SEMA6A: variants seen among roughly 807,000 people sequenced by gnomAD.
The protein encoded by SEMA6A is semaphorin 6A.
In SEMA6A, 25 loss-of-function variants were observed where a neutral mutation model predicts 96.8. That is an observed-to-expected ratio of 0.26 (90% CI 0.19 to 0.36). The LOEUF (loss-of-function observed/expected upper bound fraction) is 0.36. SEMA6A is among the 10% of genes least tolerant of loss of function. The probability of loss-of-function intolerance (pLI) is 1.00; values close to 1 mark genes in which losing one functional copy is unlikely to be tolerated. For missense variants in SEMA6A, 1,363 were observed against 1,323.1 expected, an observed-to-expected ratio of 1.03 and a Z score of -0.47; for synonymous variants, 612 against 518.0, an observed-to-expected ratio of 1.18 and a Z score of -2.46.
rs1754116826 is a variant in SEMA6A, at chr5:116,445,384, T to C, written c.*1229A>G. On this transcript the variant is annotated 3_prime_UTR_variant, in exon 19 of 19. Transcript: ENST00000343348. ...CCCGTGTGATCAAATCATTAATTTA[T>C]GCAAGGTAGCAGCCAGCATATTAGT... 1 of 152,688 alleles carries C rather than the reference T, an allele frequency of 6.5e-6. No homozygotes were observed. 9.5% of individuals were successfully genotyped at this position (152,688 alleles called of 1,614,324 possible). A position where few individuals can be genotyped will look rare whatever the true frequency, so the allele number is the denominator to read the frequency against.
intron 1 of SEMA6A, among the ~76,000 whole-genome samples, chr5:116,517,656 A>G (rs1426699229): frequency 1.3e-5 from 2 of 152,302 alleles, no homozygotes; most frequent in Middle Eastern, 3.4e-3. Flanking sequence ...CTTCCACAAA[A>G]TAAGTGATGT....
At chr5:116,501,675 G>A (rs1757888220) in intron 3 of SEMA6A, among the ~76,000 whole-genome samples, 1 of 152,274 alleles carries the variant, frequency 6.6e-6, no homozygotes, top group East Asian at 1.9e-4. Flanking sequence ...ATCACCTGAG[G>A]TCAGGAGTTC....
Position 116,473,106 on chromosome 5 carries a change from A to G in SEMA6A, c.1709-13T>C, listed in dbSNP as rs1181032528. The G allele has an allele frequency of 6.3e-7, 1 of 1,589,252 alleles. No individual in the cohort carries two copies. On this transcript the variant is annotated splice_polypyrimidine_tract_variant and intron_variant, in intron 16 of 18. Coordinates refer to ENST00000343348, the MANE Select transcript of SEMA6A (RefSeq NM_020796.5). Reference sequence around the variant, plus strand: ...GCCACAAAGGAATCTGAAAGACAAAAGGGAGGAGAAGGTTACTTAATGTTT... The same window carrying G: ...GCCACAAAGGAATCTGAAAGACAAAGGGGAGGAGAAGGTTACTTAATGTTT...
chr5:116,567,280 T>G lies in SEMA6A; in HGVS notation c.-39+6905A>C, dbSNP rs959900072. 2.6e-5 allele frequency among the ~76,000 whole-genome samples: 4 copies of G among 152,164 alleles called. No individual in the cohort carries two copies. The South Asian group carries it at 8.3e-4, about 32-fold the overall frequency. On this transcript the variant is annotated intron_variant, in intron 1 of 18. Coordinates refer to ENST00000343348, the MANE Select transcript of SEMA6A (RefSeq NM_020796.5). ...GCTTCTCAACTTAAAACCCATGACA[T>G]TATGGCCTGTTTATGGTATGAATGT...
At chr5:116,482,394 G>C (rs1756827881) in intron 11 of SEMA6A, 50 bp downstream of exon 11, 2 of 1,579,934 alleles carry the variant, frequency 1.3e-6, no homozygotes, top group East Asian at 4.6e-5. Context: ...AGAGGTGCAA[G>C]CTTTGCCATT....
At chr5:116,450,124 G>A (rs6861354) in intron 18 of SEMA6A, among the ~76,000 whole-genome samples, 47,118 of 152,112 alleles carry the variant, frequency 0.31, 8,096 homozygotes, top group African/African-American at 0.47. Context: ...ACCGAACACC[G>A]TTTTTAACCC....
intron 1 of SEMA6A, among the ~76,000 whole-genome samples, chr5:116,573,211 G>A (rs934241396): frequency 3.9e-5 from 6 of 152,208 alleles, no homozygotes; most frequent in African/African-American, 1.2e-4. Flanking sequence ...CCCCATGGTA[G>A]CGCCCTAGGA....
intron 18 of SEMA6A, among the ~76,000 whole-genome samples, chr5:116,450,724 T>G (rs377301852): frequency 1.3e-5 from 2 of 152,276 alleles, no homozygotes; most frequent in South Asian, 4.1e-4. Flanking sequence ...TTTTGTTATA[T>G]AAAGAGTGGC....
chr5:116,519,692 C>CACAT (rs60685732), intron 1 of SEMA6A, among the ~76,000 whole-genome samples: 3 of 138,136 alleles, frequency 2.2e-5, no homozygotes, highest in African/African-American at 1.1e-4. Flanking sequence ...CACACACACA[C>CACAT]GCACACACAT....
chr5:116,457,850 A>C (rs1755113703), intron 18 of SEMA6A, among the ~76,000 whole-genome samples: 1 of 152,182 alleles, frequency 6.6e-6, no homozygotes, highest in Non-Finnish European at 1.5e-5. Context: ...TATTACTTGC[A>C]TAACCTGTAT....
Position 116,477,994 on chromosome 5 carries a change from C to T in SEMA6A, c.1568+20G>A. 6.2e-7 allele frequency: 1 copy of T among 1,613,932 alleles called. No homozygotes were observed. The highest frequency in any genetic ancestry group is 8.5e-7 in the Non-Finnish European group (1 of 1,179,846). ...TAGCCACCATGGACTTTCTAATTGT[C>T]AATGAGGCAAAATACATACTTTTTA... On this transcript the variant is annotated intron_variant, in intron 14 of 18. Transcript: ENST00000343348.
intron 3 of SEMA6A, 122 bp from the exon 4 acceptor site, chr5:116,497,509 G>T: frequency 3.5e-6 from 2 of 568,270 alleles, no homozygotes; most frequent in Non-Finnish European, 6.2e-6. Context: ...ATATCCACAT[G>T]CAAGAAGAAA....
At chr5:116,460,617 C>T (rs1332856809) in intron 18 of SEMA6A, among the ~76,000 whole-genome samples, 1 of 152,012 alleles carries the variant, frequency 6.6e-6, no homozygotes, top group African/African-American at 2.4e-5. Flanking sequence ...AGTTTTGTTT[C>T]AATATTAAAA....
rs148223835 is a variant in SEMA6A, at chr5:116,463,034, T to C, written c.1894+4549A>G. 1.8e-3 allele frequency among the ~76,000 whole-genome samples: 268 copies of C among 151,938 alleles called. 1 individual carries two copies. The highest frequency in any genetic ancestry group is 6.2e-3 in the African/African-American group (256 of 41,454). On this transcript the variant is annotated intron_variant, in intron 18 of 18. Transcript: ENST00000343348. The stretch of plus-strand genomic sequence containing the variant: ...CTTTTCAACGATAAAATGTAACCAG[T>C]AAAACAAAAATTAACTTAAAGCAAA...
intron 1 of SEMA6A, among the ~76,000 whole-genome samples, chr5:116,551,277 G>T (rs1760393614): frequency 1.3e-5 from 2 of 149,818 alleles, no homozygotes; most frequent in Admixed American, 1.3e-4. Flanking sequence ...ATATGCCCGT[G>T]TTACAAGTGT....
chr5:116,500,039 T>C (rs1362944689), intron 3 of SEMA6A, among the ~76,000 whole-genome samples: 2 of 152,230 alleles, frequency 1.3e-5, no homozygotes, highest in Non-Finnish European at 2.9e-5. Flanking sequence ...TTTGTTTTGA[T>C]CAGCCCTTAG....
intron 17 of SEMA6A, 150 bp from the exon 18 acceptor site, chr5:116,467,897 G>C (rs1755870818): frequency 7.2e-6 from 5 of 690,696 alleles, no homozygotes; most frequent in Non-Finnish European, 1.2e-5. Flanking sequence ...TGGTGGTGGT[G>C]GTGGTGGTGG....
chr5:116,537,907 TGTCTCATGCCTATAA>T (rs1415095241), intron 1 of SEMA6A, among the ~76,000 whole-genome samples: 2 of 152,164 alleles, frequency 1.3e-5, no homozygotes, highest in Non-Finnish European at 2.9e-5. Flanking sequence ...CCAGGTGCGG[TGTCTCATGCCTATAA>T]TCCCAGCACT....
chr5:116,489,314 G>C (rs916956765), intron 7 of SEMA6A, among the ~76,000 whole-genome samples: 3 of 152,134 alleles, frequency 2.0e-5, no homozygotes, highest in African/African-American at 7.2e-5. Flanking sequence ...GCTGGACCTT[G>C]ACTGAAACCT....
Sources: allele counts gnomAD v4.1 joint callset (sites outside exome capture counted in the v4.1 genomes callset), GRCh38; gene constraint gnomAD v4.1.1; transcripts MANE v1.5; gene names NCBI Gene and HGNC (gene_info 2026-07-23, HGNC 2026-07-21).